The following ZNF407 variants were observed in gnomAD, a reference collection of about 807,000 sequenced individuals.
The protein encoded by ZNF407 is zinc finger protein 407.
A neutral mutation model predicts 131.2 loss-of-function variants in ZNF407; 17 were observed. The observed-to-expected ratio is 0.13, with a 90% confidence interval of 0.09 to 0.19. ZNF407 has a LOEUF of 0.19. Among genes scored for constraint, ZNF407 ranks in the 10% least tolerant of loss-of-function variants. The pLI is 1.00. For missense variants in ZNF407, 2,681 were observed against 2,830.6 expected (o/e 0.95, Z 1.20); for synonymous variants, 1,156 against 1,062.0 (o/e 1.09, Z -1.72).
intron 8 of ZNF407, among the ~76,000 whole-genome samples, chr18:74,974,067 T>C (rs1311677428): frequency 6.6e-6 from 1 of 152,186 alleles, no homozygotes; most frequent in Non-Finnish European, 1.5e-5. Flanking sequence ...TAATTTATCA[T>C]AGTATATATA....
At chr18:74,730,003 G>A (rs554601600) in intron 3 of ZNF407, among the ~76,000 whole-genome samples, 209 of 152,222 alleles carry the variant, frequency 1.4e-3, no homozygotes, top group Non-Finnish European at 1.9e-3. Context: ...TCGTCCAATA[G>A]CGTTGGAAAA....
chr18:74,711,920 G>A (rs182400271), intron 3 of ZNF407, among the ~76,000 whole-genome samples: 1 of 152,264 alleles, frequency 6.6e-6, no homozygotes, highest in East Asian at 1.9e-4. Context: ...ATGTTGGCCA[G>A]GCTGGTCTTG....
chr18:74,608,677 C>T (rs1172488930), intron 1 of ZNF407, among the ~76,000 whole-genome samples: 1 of 152,124 alleles, frequency 6.6e-6, no homozygotes, highest in Non-Finnish European at 1.5e-5. Context: ...TCTTTCATGA[C>T]TTTGATACTT....
intron 3 of ZNF407, among the ~76,000 whole-genome samples, chr18:74,698,638 C>T (rs1432202363): frequency 6.6e-6 from 1 of 152,058 alleles, no homozygotes; most frequent in African/African-American, 2.4e-5. Flanking sequence ...GCTCCACACT[C>T]AGCATACAAA....
intron 3 of ZNF407, among the ~76,000 whole-genome samples, chr18:74,709,098 C>CTA (rs1967696087): frequency 1.3e-5 from 2 of 152,076 alleles, no homozygotes; most frequent in Non-Finnish European, 2.9e-5. Flanking sequence ...TGACTTTAAG[C>CTA]TATATATATT....
At chr18:75,010,558 A>G (rs930520948) in intron 8 of ZNF407, among the ~76,000 whole-genome samples, 2 of 152,166 alleles carry the variant, frequency 1.3e-5, no homozygotes, top group Admixed American at 1.3e-4. Context: ...ACACAATCAG[A>G]TATGGTAAAT....
At chr18:75,029,935 G>A (rs1973220290) in intron 8 of ZNF407, among the ~76,000 whole-genome samples, 1 of 152,224 alleles carries the variant, frequency 6.6e-6, no homozygotes, top group African/African-American at 2.4e-5. Flanking sequence ...AAGAACGTGT[G>A]TGATGACCAA....
intron 3 of ZNF407, among the ~76,000 whole-genome samples, chr18:74,758,793 TG>T (rs1220884089): frequency 6.6e-6 from 1 of 152,110 alleles, no homozygotes; most frequent in Non-Finnish European, 1.5e-5. Context: ...TTGGCCAGGC[TG>T]GTCTCGAACT....
intron 8 of ZNF407, among the ~76,000 whole-genome samples, chr18:75,046,315 A>G (rs979427698): frequency 1.3e-5 from 2 of 152,180 alleles, no homozygotes; most frequent in African/African-American, 4.8e-5. Context: ...AAAGAGTATC[A>G]GCATGGCTGG....
At chr18:74,888,854 A>G (rs1568256319) in intron 6 of ZNF407, among the ~76,000 whole-genome samples, 2 of 152,174 alleles carry the variant, frequency 1.3e-5, no homozygotes, top group Non-Finnish European at 2.9e-5. Context: ...CTATTTCACT[A>G]TCTTCGTGTC....
At chr18:74,980,787 T>G (rs149213422) in intron 8 of ZNF407, among the ~76,000 whole-genome samples, 101 of 152,282 alleles carry the variant, frequency 6.6e-4, no homozygotes, top group African/African-American at 2.3e-3. Flanking sequence ...GAGAAAATCC[T>G]GCATGAAAGG....
At chr18:74,757,485 T>G (rs993877109) in intron 3 of ZNF407, among the ~76,000 whole-genome samples, 1 of 152,088 alleles carries the variant, frequency 6.6e-6, no homozygotes, top group African/African-American at 2.4e-5. Context: ...GACTTCTAAT[T>G]TTATTGTATA....
chr18:74,898,231 T>C (rs1971478437), intron 7 of ZNF407: 1 of 152,250 alleles, frequency 6.6e-6, no homozygotes, highest in South Asian at 2.1e-4. Flanking sequence ...ATTTATTGTG[T>C]ATATTTTGGC....
chr18:74,717,947 A>T (rs1246892077), intron 3 of ZNF407, among the ~76,000 whole-genome samples: 2 of 151,998 alleles, frequency 1.3e-5, no homozygotes, highest in South Asian at 4.2e-4. Flanking sequence ...GTATTTGCAA[A>T]TTTTTTCTCA....
intron 7 of ZNF407, among the ~76,000 whole-genome samples, chr18:74,917,964 C>T (rs1336262949): frequency 2.6e-5 from 4 of 152,120 alleles, no homozygotes; most frequent in African/African-American, 9.7e-5. Context: ...TAGGAGGTGT[C>T]TGTAATGCTG....
At chr18:74,751,778 A>G (rs1045542106) in intron 3 of ZNF407, among the ~76,000 whole-genome samples, 11 of 152,182 alleles carry the variant, frequency 7.2e-5, no homozygotes, top group Non-Finnish European at 1.5e-4. Context: ...TCATTGATGG[A>G]CATCTGGGTT....
At chr18:74,834,034 C>T (rs1482619773) in intron 4 of ZNF407, among the ~76,000 whole-genome samples, 1 of 152,186 alleles carries the variant, frequency 6.6e-6, no homozygotes, top group Non-Finnish European at 1.5e-5. Flanking sequence ...TGAAAATAGT[C>T]TAACTTTGCA....
chr18:74,968,537 C>T (rs1401871097), intron 8 of ZNF407, among the ~76,000 whole-genome samples: 1 of 152,138 alleles, frequency 6.6e-6, no homozygotes, highest in Non-Finnish European at 1.5e-5. Flanking sequence ...TTTATTTCCT[C>T]TTCACACCTG....
At chr18:74,900,314 A>G (rs1971507159) in intron 7 of ZNF407, among the ~76,000 whole-genome samples, 1 of 152,132 alleles carries the variant, frequency 6.6e-6, no homozygotes, top group Non-Finnish European at 1.5e-5. Flanking sequence ...TGTGGCTGCG[A>G]TAAGAACTTC....
Sources: gnomAD v4.1 joint callset for allele counts (sites outside exome capture counted in the v4.1 genomes callset) on GRCh38, gnomAD v4.1.1 for gene constraint, MANE v1.5 for transcripts, NCBI Gene and HGNC (gene_info 2026-07-23, HGNC 2026-07-21) for gene names.